DYNC1I1: variants seen among roughly 807,000 people sequenced by gnomAD.
DYNC1I1 encodes the protein cytoplasmic dynein 1 intermediate chain 1.
Under a neutral mutation model 86.6 loss-of-function variants are expected in DYNC1I1, and 43 were observed. The observed-to-expected ratio is 0.50, with a 90% CI of 0.39 to 0.64. DYNC1I1 has a LOEUF of 0.64. Among genes scored for constraint, DYNC1I1 ranks in the 30% least tolerant of loss-of-function variants. The pLI, the probability that DYNC1I1 is intolerant of heterozygous loss-of-function variation, is 0.00. For synonymous variants in DYNC1I1, 262 were observed against 283.7 expected, an observed-to-expected ratio of 0.92 and a Z score of 0.77; for missense variants, 604 against 788.8, an observed-to-expected ratio of 0.77 and a Z score of 2.81.
intron 4 of DYNC1I1, chr7:95,818,732 C>T (rs181227715): frequency 6.3e-4 from 266 of 423,448 alleles, no homozygotes; most frequent in Admixed American, 1.7e-3. Context: ...AAAATAAAAA[C>T]ATCATGTTTC....
intron 14 of DYNC1I1, among the ~76,000 whole-genome samples, chr7:96,069,242 G>C (rs552227911): frequency 6.6e-6 from 1 of 152,208 alleles, no homozygotes; most frequent in Non-Finnish European, 1.5e-5. Context: ...GGTAAAAATA[G>C]AGTTGGAGCA....
At chr7:95,829,143 C>A (rs1056895317) in intron 5 of DYNC1I1, among the ~76,000 whole-genome samples, 1 of 152,066 alleles carries the variant, frequency 6.6e-6, no homozygotes, top group African/African-American at 2.4e-5. Context: ...ACTTATTATT[C>A]ATTTTGAATT....
intron 6 of DYNC1I1, among the ~76,000 whole-genome samples, chr7:95,884,811 C>T (rs1010782042): frequency 6.6e-6 from 1 of 150,834 alleles, no homozygotes; most frequent in African/African-American, 2.4e-5. Flanking sequence ...AAAAAATAAG[C>T]GTAATAGAGA....
At chr7:96,077,844 A>T (rs1215846252) in intron 15 of DYNC1I1, among the ~76,000 whole-genome samples, 1 of 152,140 alleles carries the variant, frequency 6.6e-6, no homozygotes, top group African/African-American at 2.4e-5. Context: ...CTCAACATTG[A>T]TAAATATAAT....
At chr7:95,848,300 G>T (rs1213129181) in intron 5 of DYNC1I1, among the ~76,000 whole-genome samples, 1 of 148,142 alleles carries the variant, frequency 6.8e-6, no homozygotes, top group African/African-American at 2.5e-5. Context: ...ATTACCTATA[G>T]TCATCATGTT....
chr7:96,008,396 GGAA>G (rs1383569526), intron 10 of DYNC1I1, among the ~76,000 whole-genome samples: 1 of 151,980 alleles, frequency 6.6e-6, no homozygotes, highest in African/African-American at 2.4e-5. Flanking sequence ...GAGAGGTAGA[GGAA>G]GAAGAGAAAT....
At chr7:95,942,854 G>A (rs1191752527) in intron 6 of DYNC1I1, among the ~76,000 whole-genome samples, 4 of 145,504 alleles carry the variant, frequency 2.7e-5, no homozygotes, top group Admixed American at 7.0e-5. Flanking sequence ...AATAAATTAG[G>A]TATTGATGGG....
At chr7:95,900,697 A>C (rs1384232008) in intron 6 of DYNC1I1, among the ~76,000 whole-genome samples, 1 of 152,206 alleles carries the variant, frequency 6.6e-6, no homozygotes, top group Non-Finnish European at 1.5e-5. Context: ...GCCCTGGTTT[A>C]CTTGGAAAAT....
At chr7:96,100,559 GGGA>G (rs748355108), downstream of DYNC1I1, among the ~76,000 whole-genome samples, 10 of 152,024 alleles carry the variant, frequency 6.6e-5, no homozygotes, top group African/African-American at 9.7e-5. Context: ...TAGGAGCCCG[GGGA>G]GTAGCACTGG....
chr7:95,781,192 A>G (rs1677834), intron 1 of DYNC1I1, among the ~76,000 whole-genome samples: 27 of 152,198 alleles, frequency 1.8e-4, no homozygotes, highest in Non-Finnish European at 3.5e-4. Context: ...GCAAATATGG[A>G]CCACCCAGGG....
chr7:96,095,277 C>T (rs2116327655), intron 16 of DYNC1I1, among the ~76,000 whole-genome samples: 1 of 152,206 alleles, frequency 6.6e-6, no homozygotes, highest in South Asian at 2.1e-4. Context: ...CTTAATGTTC[C>T]ATAATCTTTA....
chr7:96,038,279 A>G (rs1333750381), intron 13 of DYNC1I1, among the ~76,000 whole-genome samples: 2 of 152,214 alleles, frequency 1.3e-5, no homozygotes, highest in African/African-American at 2.4e-5. Context: ...GTGACATAAT[A>G]TTAGGATTCT....
chr7:95,860,210 A>G (rs564135638), intron 5 of DYNC1I1, among the ~76,000 whole-genome samples: 2 of 152,154 alleles, frequency 1.3e-5, no homozygotes, highest in South Asian at 4.1e-4. Context: ...CTATCTCCTC[A>G]TTCTCTCTCT....
chr7:95,807,813 C>T (rs957682612), intron 2 of DYNC1I1, among the ~76,000 whole-genome samples: 25 of 152,242 alleles, frequency 1.6e-4, no homozygotes, highest in African/African-American at 5.1e-4. Flanking sequence ...CATTATCAAA[C>T]CGTTTAGTAC....
chr7:95,797,206 T>C (rs929272205), intron 1 of DYNC1I1, among the ~76,000 whole-genome samples: 1 of 152,104 alleles, frequency 6.6e-6, no homozygotes, highest in Non-Finnish European at 1.5e-5. Context: ...AATTGTGAGC[T>C]AAACTAGCGG....
At chr7:96,070,235 GT>G (rs1790117994) in intron 14 of DYNC1I1, among the ~76,000 whole-genome samples, 1 of 152,172 alleles carries the variant, frequency 6.6e-6, no homozygotes, top group Non-Finnish European at 1.5e-5. Flanking sequence ...GGCCAAGAGA[GT>G]TGGTTTTTTG....
At position 96,039,141 on chromosome 7, in the gene DYNC1I1, A is replaced by G. The variant is rs1788957865; in HGVS notation, c.1365-136A>G. On this transcript the variant is annotated intron_variant, in intron 13 of 16. Transcript: ENST00000447467. The stretch of plus-strand genomic sequence containing the variant: ...TTCTTTCAGGATAACTGTAAAAATG[A>G]TTTCATTTTGGTGGTGTGTGGTTGT... 9 of 922,392 alleles carry G rather than the reference A, an allele frequency of 9.8e-6. 1 individual carries two copies. Among genetic ancestry groups the G allele is most frequent in the Non-Finnish European group, 1.4e-5 (9 of 636,496 alleles). 57.1% of individuals were successfully genotyped at this position (922,392 alleles called of 1,614,324 possible).
At chr7:96,022,913 C>T (rs1794588942) in intron 10 of DYNC1I1, among the ~76,000 whole-genome samples, 1 of 151,122 alleles carries the variant, frequency 6.6e-6, no homozygotes, top group South Asian at 2.1e-4. Flanking sequence ...AGACCCTTTC[C>T]CTTCATCTCA....
chr7:95,837,451 G>A (rs1487371360), intron 5 of DYNC1I1, among the ~76,000 whole-genome samples: 2 of 152,210 alleles, frequency 1.3e-5, no homozygotes, highest in African/African-American at 4.8e-5. Context: ...CAGAGGTGGA[G>A]CCTACAGAGG....
Sources: gnomAD v4.1 joint callset for allele counts (sites outside exome capture counted in the v4.1 genomes callset) on GRCh38, gnomAD v4.1.1 for gene constraint, MANE v1.5 for transcripts, NCBI Gene and HGNC (gene_info 2026-07-23, HGNC 2026-07-21) for gene names.